AGBL1: variants seen among roughly 807,000 people sequenced by gnomAD.
AGBL1 encodes cytosolic carboxypeptidase 4.
AGBL1 carries 130 observed loss-of-function variants against 118.9 expected under a neutral mutation model. That is an observed-to-expected ratio of 1.09 (90% CI 0.95 to 1.26). AGBL1 has a LOEUF of 1.26. AGBL1 is among the 50% of genes most tolerant of loss of function. The pLI, the probability that AGBL1 is intolerant of heterozygous loss-of-function variation, is 0.00. For missense variants in AGBL1, 1,584 were observed against 1,298.1 expected, an observed-to-expected ratio of 1.22 and a Z score of -3.38; for synonymous variants, 555 against 478.9, an observed-to-expected ratio of 1.16 and a Z score of -2.08.
At chr15:86,799,677 AT>A (rs199707944) in intron 22 of AGBL1, among the ~76,000 whole-genome samples, 1 of 152,050 alleles carries the variant, frequency 6.6e-6, no homozygotes, top group African/African-American at 2.4e-5. Context: ...TTTCACTTCT[AT>A]TTTTTTGTTG....
At chr15:86,159,092 A>T (rs1202095830) in intron 5 of AGBL1, 66 bp downstream of exon 5, 3 of 1,387,332 alleles carry the variant, frequency 2.2e-6, no homozygotes, top group African/African-American at 2.8e-5. Flanking sequence ...ATTGCCCTAC[A>T]TGTATTTTCA....
downstream of AGBL1, among the ~76,000 whole-genome samples, chr15:86,916,916 T>C (rs1596631818): frequency 6.6e-6 from 1 of 152,078 alleles, no homozygotes; most frequent in Non-Finnish European, 1.5e-5. Flanking sequence ...GCCGTTGATA[T>C]CCTGCCAATG....
rs189065751 is a variant in AGBL1, at chr15:86,435,643, C to T, written c.2555+38097C>T. ...ATCTGAAGTTAATTTTTAGATTGGT[C>T]ATTCACCTAGTGTAGTATATAGGTG... On this transcript the variant is annotated intron_variant, in intron 18 of 22. Transcript: ENST00000614907. 1.5e-3 allele frequency among the ~76,000 whole-genome samples: 236 copies of T among 152,258 alleles called. 1 individual carries two copies. Among genetic ancestry groups the T allele is most frequent in the African/African-American group, 5.5e-3 (229 of 41,548 alleles).
chr15:86,953,940 TA>T (rs1204155513), intron 23 of AGBL1, among the ~76,000 whole-genome samples: 2 of 152,030 alleles, frequency 1.3e-5, no homozygotes, highest in African/African-American at 4.8e-5. Flanking sequence ...TCACTCTGGC[TA>T]AAAAAAGAAG....
chr15:86,243,723 T>C (rs923990992), intron 6 of AGBL1, among the ~76,000 whole-genome samples: 25 of 152,164 alleles, frequency 1.6e-4, no homozygotes, highest in African/African-American at 3.1e-4. Context: ...AAGATACTAA[T>C]GTAGGCCGGG....
chr15:86,672,666 G>A (rs2085767679), intron 21 of AGBL1, among the ~76,000 whole-genome samples: 1 of 152,254 alleles, frequency 6.6e-6, no homozygotes, highest in South Asian at 2.1e-4. Flanking sequence ...GTTGGGGAAA[G>A]AATCAGACCT....
intron 22 of AGBL1, among the ~76,000 whole-genome samples, chr15:86,856,732 C>T (rs983016158): frequency 1.2e-4 from 19 of 152,202 alleles, no homozygotes; most frequent in African/African-American, 3.6e-4. Flanking sequence ...GCCTGAGTAA[C>T]GCAATGACCA....
intron 17 of AGBL1, among the ~76,000 whole-genome samples, chr15:86,302,080 C>T (rs1205404322): frequency 6.6e-6 from 1 of 152,026 alleles, no homozygotes; most frequent in Non-Finnish European, 1.5e-5. Context: ...TGTGTGACAT[C>T]GAGGATGGTT....
At chr15:86,961,533 T>A (rs1309085009) in intron 23 of AGBL1, among the ~76,000 whole-genome samples, 1 of 151,596 alleles carries the variant, frequency 6.6e-6, no homozygotes, top group Non-Finnish European at 1.5e-5. Flanking sequence ...GGGGAGAGGG[T>A]CCAGTGGTGG....
chr15:86,871,183 A>G (rs944046118), intron 22 of AGBL1, among the ~76,000 whole-genome samples: 3 of 152,184 alleles, frequency 2.0e-5, no homozygotes, highest in Non-Finnish European at 4.4e-5. Flanking sequence ...ATTTGTGGGT[A>G]GGAGATGGGA....
At chr15:86,345,316 C>G (rs1007407238) in intron 17 of AGBL1, among the ~76,000 whole-genome samples, 2 of 152,122 alleles carry the variant, frequency 1.3e-5, no homozygotes, top group African/African-American at 4.8e-5. Flanking sequence ...AGCCATCCCC[C>G]TGGTGTTTAA....
chr15:86,322,719 C>G (rs1167325343), intron 17 of AGBL1, among the ~76,000 whole-genome samples: 3 of 152,122 alleles, frequency 2.0e-5, no homozygotes, highest in Non-Finnish European at 4.4e-5. Flanking sequence ...GCAGCATGCT[C>G]AACACAAGTC....
At chr15:86,158,806 G>A in intron 4 of AGBL1, 127 bp from the exon 5 acceptor site, 1 of 734,612 alleles carries the variant, frequency 1.4e-6, no homozygotes, top group East Asian at 2.8e-5. Flanking sequence ...CAACCAGGGT[G>A]GAAAAGAAAG....
chr15:86,450,314 C>G (rs779047280), intron 18 of AGBL1, among the ~76,000 whole-genome samples: 2 of 152,096 alleles, frequency 1.3e-5, no homozygotes, highest in Non-Finnish European at 2.9e-5. Flanking sequence ...AAATCCCTAC[C>G]CTGGACCTGG....
intron 22 of AGBL1, among the ~76,000 whole-genome samples, chr15:86,865,467 G>A (rs1294832385): frequency 6.6e-6 from 1 of 152,164 alleles, no homozygotes; most frequent in Non-Finnish European, 1.5e-5. Context: ...TTGGACCGGA[G>A]GAGTGAATAT....
intron 22 of AGBL1, among the ~76,000 whole-genome samples, chr15:86,674,976 C>T (rs1007592393): frequency 9.2e-5 from 14 of 152,228 alleles, no homozygotes; most frequent in East Asian, 7.7e-4. Context: ...TTCTGAGAAT[C>T]GTGGAGATTA....
chr15:86,383,290 C>CT (rs1368207868), intron 17 of AGBL1, among the ~76,000 whole-genome samples: 2 of 135,788 alleles, frequency 1.5e-5, no homozygotes, highest in Non-Finnish European at 3.1e-5. Context: ...AATTGCTTAT[C>CT]TTAAGTATTT....
chr15:86,289,418 C>T (rs2079509708), intron 16 of AGBL1, among the ~76,000 whole-genome samples: 1 of 152,110 alleles, frequency 6.6e-6, no homozygotes, highest in East Asian at 1.9e-4. Flanking sequence ...TTATACTTCT[C>T]CATTAACAGC....
At chr15:87,020,798 G>C (rs2081656782) in intron 24 of AGBL1, among the ~76,000 whole-genome samples, 2 of 152,076 alleles carry the variant, frequency 1.3e-5, no homozygotes, top group South Asian at 4.1e-4. Context: ...CAAGGGATGT[G>C]CAGGACTTCT....
Sources: allele counts gnomAD v4.1 joint callset (sites outside exome capture counted in the v4.1 genomes callset), GRCh38; gene constraint gnomAD v4.1.1; transcripts MANE v1.5; gene names NCBI Gene and HGNC (gene_info 2026-07-23, HGNC 2026-07-21).